Variants in TRPM3 observed in about 807,000 individuals in gnomAD.
The protein encoded by TRPM3 is long transient receptor potential channel 3.
TRPM3 carries 77 observed loss-of-function variants against 181.2 expected under a neutral mutation model. The ratio of observed to expected loss-of-function variants is 0.42; its 90% CI spans 0.35 to 0.51. TRPM3 has a LOEUF of 0.51. Ranked by LOEUF, TRPM3 falls within the 20% of genes least tolerant of loss-of-function variation. The pLI is 0.01. For missense variants in TRPM3, 1,759 were observed against 2,196.7 expected (o/e 0.80, Z 3.98); for synonymous variants, 745 against 796.4 (o/e 0.94, Z 1.09).
At chr9:71,442,588 T>C (rs1179205523) in intron 1 of TRPM3, among the ~76,000 whole-genome samples, 1 of 152,062 alleles carries the variant, frequency 6.6e-6, no homozygotes, top group East Asian at 1.9e-4. Context: ...TAAAAATAAA[T>C]AAGTAAAGAT....
rs567625585 is a variant in TRPM3, at chr9:70,794,898, G to A, written c.974-10619C>T. Among the ~76,000 whole-genome samples, 15 of 152,248 alleles carry A rather than the reference G, an allele frequency of 9.9e-5. No homozygotes were observed. The East Asian group carries it at 1.2e-3, about 12-fold the overall frequency. On this transcript the variant is annotated intron_variant, in intron 6 of 25. Coordinates refer to ENST00000677713, the MANE Select transcript of TRPM3 (RefSeq NM_001366145.2). ...AGTATACAGTTGGCCTTCTGCATCCGTGGGTTCTACATCTGTGGCCTCAAC... is the reference window on the plus strand; with the variant it reads ...AGTATACAGTTGGCCTTCTGCATCCATGGGTTCTACATCTGTGGCCTCAAC...
intron 1 of TRPM3, among the ~76,000 whole-genome samples, chr9:71,120,113 C>T (rs2073294625): frequency 6.6e-6 from 1 of 152,180 alleles, no homozygotes; most frequent in Non-Finnish European, 1.5e-5. Context: ...AGAACACATC[C>T]TCAGAACAAA....
rs1030670892 is a variant in TRPM3, at chr9:71,322,938, T to C, written c.183+123715A>G. On this transcript the variant is annotated intron_variant, in intron 1 of 24. Coordinates refer to the TRPM3 transcript ENST00000357533. Reference sequence around the variant, plus strand: ...AGGGTAATAGTTCAGCTATTAAGTGTATTTGCTGTCAAAAGATCAGCCACT... The same window carrying C: ...AGGGTAATAGTTCAGCTATTAAGTGCATTTGCTGTCAAAAGATCAGCCACT... 2.0e-4 allele frequency among the ~76,000 whole-genome samples: 31 copies of C among 152,198 alleles called. 1 individual carries two copies. Among genetic ancestry groups the C allele is most frequent in the Non-Finnish European group, 1.5e-5 (1 of 68,022 alleles).
intron 1 of TRPM3, among the ~76,000 whole-genome samples, chr9:71,243,954 C>A (rs1196889478): frequency 6.6e-6 from 1 of 152,178 alleles, no homozygotes; most frequent in African/African-American, 2.4e-5. Context: ...CTCTCTTTGT[C>A]CCACACTGCA....
chr9:70,628,231 T>C (rs2065015681), intron 12 of TRPM3, among the ~76,000 whole-genome samples: 1 of 152,174 alleles, frequency 6.6e-6, no homozygotes, highest in Non-Finnish European at 1.5e-5. Flanking sequence ...ACAGGGCTCC[T>C]ATGGGGATGA....
At chr9:71,163,295 G>A (rs1468871337) in intron 1 of TRPM3, among the ~76,000 whole-genome samples, 1 of 152,072 alleles carries the variant, frequency 6.6e-6, no homozygotes, top group African/African-American at 2.4e-5. Flanking sequence ...CTGCACTAGG[G>A]CAGGATCAAT....
At chr9:70,608,331 A>G (rs1350492137) in intron 19 of TRPM3, among the ~76,000 whole-genome samples, 2 of 152,190 alleles carry the variant, frequency 1.3e-5, no homozygotes, top group African/African-American at 4.8e-5. Context: ...CCAATTATTT[A>G]TGGACACTAA....
chr9:71,199,750 G>C (rs1223026312), intron 1 of TRPM3, among the ~76,000 whole-genome samples: 1 of 148,478 alleles, frequency 6.7e-6, no homozygotes, highest in Non-Finnish European at 1.5e-5. Flanking sequence ...GCGTCTATTT[G>C]ATTCTTCTCT....
At chr9:70,874,098 T>C (rs866656966) in intron 1 of TRPM3, among the ~76,000 whole-genome samples, 1 of 151,956 alleles carries the variant, frequency 6.6e-6, no homozygotes, top group Non-Finnish European at 1.5e-5. Context: ...TGATTTACAA[T>C]GATAAATTAA....
chr9:70,988,984 G>C (rs1313718951), intron 1 of TRPM3, among the ~76,000 whole-genome samples: 2 of 152,136 alleles, frequency 1.3e-5, no homozygotes, highest in African/African-American at 4.8e-5. Context: ...TCCAGATGAG[G>C]ATGCAACTGG....
intron 1 of TRPM3, among the ~76,000 whole-genome samples, chr9:71,155,683 T>C (rs559045452): frequency 1.4e-4 from 22 of 152,080 alleles, no homozygotes; most frequent in African/African-American, 5.3e-4. Flanking sequence ...TAGAGATACA[T>C]ACATCTACAA....
At chr9:71,080,466 T>G (rs1401193959) in intron 1 of TRPM3, among the ~76,000 whole-genome samples, 1 of 152,210 alleles carries the variant, frequency 6.6e-6, no homozygotes, top group East Asian at 1.9e-4. Flanking sequence ...TTCTTGGGCT[T>G]TAAAACACTG....
At chr9:71,118,011 G>T (rs1283240911) in intron 1 of TRPM3, among the ~76,000 whole-genome samples, 1 of 152,132 alleles carries the variant, frequency 6.6e-6, no homozygotes, top group Non-Finnish European at 1.5e-5. Context: ...TAATGAATAT[G>T]AAATATGCTA....
Position 70,530,767 on chromosome 9 carries a change from GAGAC to G in TRPM3, c.*5182_*5185del, listed in dbSNP as rs1463127363. On this transcript the variant is annotated 3_prime_UTR_variant, in exon 26 of 26. Transcript: ENST00000677713. ...TTTCTTTTGGTTGACTCCAATCTGAGAGACAGAATATCCAACTTGTAAAAAGAAG... is the reference window on the plus strand; with the variant it reads ...TTTCTTTTGGTTGACTCCAATCTGAGAGAATATCCAACTTGTAAAAAGAAG... 6.6e-6 allele frequency: 1 copy of G among 152,218 alleles called. No homozygotes were observed. Among genetic ancestry groups the G allele is most frequent in the African/African-American group, 2.4e-5 (1 of 41,446 alleles). The allele number at this position is 152,218 out of a possible 1,614,324, so 9.4% of individuals were successfully genotyped here. A position where few individuals can be genotyped will look rare whatever the true frequency, so the allele number is the denominator to read the frequency against.
chr9:70,904,947 A>T (rs1193180736), intron 1 of TRPM3, among the ~76,000 whole-genome samples: 4 of 152,196 alleles, frequency 2.6e-5, no homozygotes, highest in Non-Finnish European at 5.9e-5. Context: ...CCCGAGTCTC[A>T]TAACATCTGC....
chr9:71,227,839 A>C (rs576499013), intron 1 of TRPM3, among the ~76,000 whole-genome samples: 1 of 152,312 alleles, frequency 6.6e-6, no homozygotes, highest in South Asian at 2.1e-4. Context: ...CCAAGGCCAT[A>C]ATAAAAAATT....
chr9:70,896,512 TAAAG>T (rs1038051360), intron 1 of TRPM3, among the ~76,000 whole-genome samples: 3 of 151,866 alleles, frequency 2.0e-5, no homozygotes, highest in Non-Finnish European at 4.4e-5. Flanking sequence ...CCACAGAAAA[TAAAG>T]AACCAGATGC....
chr9:70,794,708 T>G (rs997754222), intron 6 of TRPM3, among the ~76,000 whole-genome samples: 2 of 152,200 alleles, frequency 1.3e-5, no homozygotes, highest in Admixed American at 6.5e-5. Context: ...GACTCCCACT[T>G]TCCCTGATTC....
At chr9:71,427,781 G>A (rs2093890141) in intron 1 of TRPM3, among the ~76,000 whole-genome samples, 1 of 152,020 alleles carries the variant, frequency 6.6e-6, no homozygotes, top group Non-Finnish European at 1.5e-5. Flanking sequence ...AGGGGGCCAG[G>A]GTTGAAAAAC....
Sources: allele counts gnomAD v4.1 joint callset (sites outside exome capture counted in the v4.1 genomes callset), GRCh38; gene constraint gnomAD v4.1.1; transcripts MANE v1.5; gene names NCBI Gene and HGNC (gene_info 2026-07-23, HGNC 2026-07-21).